DIAPH3: variants seen among roughly 807,000 people sequenced by gnomAD.
DIAPH3 encodes the protein diaphanous related formin 3.
In DIAPH3, 117 loss-of-function variants were observed where a neutral mutation model predicts 144.3. The observed-to-expected ratio is 0.81, with a 90% CI of 0.70 to 0.95. DIAPH3 has a LOEUF of 0.95. DIAPH3 is among the 40% of genes least tolerant of loss of function. The pLI, the probability that DIAPH3 is intolerant of heterozygous loss-of-function variation, is 0.00. For missense variants in DIAPH3, 1,421 were observed against 1,412.7 expected, an observed-to-expected ratio of 1.01 and a Z score of -0.09; for synonymous variants, 519 against 488.9, an observed-to-expected ratio of 1.06 and a Z score of -0.81.
chr13:59,937,162 CAA>C (rs57086874), intron 17 of DIAPH3, among the ~76,000 whole-genome samples: 13 of 128,520 alleles, frequency 1.0e-4, no homozygotes, highest in African/African-American at 2.9e-4. Context: ...GACTCCATCT[CAA>C]AAAAAAAAAA....
At chr13:59,803,250 G>C (rs1381286093) in intron 25 of DIAPH3, among the ~76,000 whole-genome samples, 2 of 152,076 alleles carry the variant, frequency 1.3e-5, no homozygotes, top group Non-Finnish European at 2.9e-5. Context: ...AATATGAACA[G>C]GGTGAAATTA....
intron 27 of DIAPH3, among the ~76,000 whole-genome samples, chr13:59,720,941 T>A (rs1280092287): frequency 6.6e-6 from 1 of 152,200 alleles, no homozygotes; most frequent in African/African-American, 2.4e-5. Flanking sequence ...GGGTGGAGGC[T>A]GCTGTTAAAG....
Position 59,741,772 on chromosome 13 carries a change from C to T in DIAPH3, c.3319+32417G>A, listed in dbSNP as rs1566247439. Reference sequence around the variant, plus strand: ...AAAATACAACTTTTAATGAGATATTCCACTCTATAATTCTAAACAACTGTA... The same window carrying T: ...AAAATACAACTTTTAATGAGATATTTCACTCTATAATTCTAAACAACTGTA... On this transcript the variant is annotated intron_variant, in intron 27 of 27. Transcript: ENST00000400324. Among the ~76,000 whole-genome samples, 3 of 142,086 alleles carry T rather than the reference C, an allele frequency of 2.1e-5. No individual in the cohort carries two copies. The South Asian group carries it at 7.0e-4, about 33-fold the overall frequency. The allele number at this position is 142,086 out of a possible 152,430, so 93.2% of individuals were successfully genotyped here. A position where few individuals can be genotyped will look rare whatever the true frequency, so the allele number is the denominator to read the frequency against.
At chr13:60,048,635 C>T (rs1288756944) in intron 4 of DIAPH3, among the ~76,000 whole-genome samples, 1 of 137,124 alleles carries the variant, frequency 7.3e-6, no homozygotes, top group Non-Finnish European at 1.6e-5. Flanking sequence ...GTTAAATATA[C>T]ATTGCCCATA....
intron 3 of DIAPH3, among the ~76,000 whole-genome samples, chr13:60,107,008 T>C (rs1031081603): frequency 6.6e-6 from 1 of 152,138 alleles, no homozygotes; most frequent in Non-Finnish European, 1.5e-5. Flanking sequence ...CATATGATTC[T>C]GAACTAGATT....
intron 1 of DIAPH3, chr13:60,144,909 G>A (rs1364991301): frequency 4.6e-5 from 7 of 152,310 alleles, no homozygotes; most frequent in Non-Finnish European, 7.3e-5. Context: ...CAGGATTACA[G>A]TAGATATTGT....
At chr13:59,744,963 C>T (rs967823871) in intron 27 of DIAPH3, among the ~76,000 whole-genome samples, 1 of 152,150 alleles carries the variant, frequency 6.6e-6, no homozygotes, top group African/African-American at 2.4e-5. Context: ...CCTGGCCTCA[C>T]CCCTTATAGG....
intron 20 of DIAPH3, among the ~76,000 whole-genome samples, chr13:59,899,047 C>T (rs927312688): frequency 6.6e-6 from 1 of 152,146 alleles, no homozygotes; most frequent in African/African-American, 2.4e-5. Context: ...TTCCTGCCCT[C>T]GAACATCAGA....
chr13:59,706,979 C>A (rs1455469871), intron 27 of DIAPH3, among the ~76,000 whole-genome samples: 1 of 152,118 alleles, frequency 6.6e-6, no homozygotes, highest in Non-Finnish European at 1.5e-5. Flanking sequence ...AGAATTGACA[C>A]ATGCATATAA....
chr13:60,008,599 AT>A lies in DIAPH3; in HGVS notation c.958del (p.Ile320LeufsTer20), dbSNP rs755069320. ...ALTSAGEEKK[I>X]DRFFCIVEGL... is the part of the protein sequence containing the mutation. ...TTCCACAATACAAAAAAATCTGTCA[AT>A]TTTTTTTTCTTCACCAGCTGAAGTT... On this transcript the variant is annotated frameshift_variant, in exon 9 of 28. Coordinates refer to ENST00000400324, the MANE Select transcript of DIAPH3 (RefSeq NM_001042517.2). LOFTEE classifies it high-confidence loss of function. 10 of 1,604,632 alleles carry A rather than the reference AT, an allele frequency of 6.2e-6. No homozygotes were observed. Among genetic ancestry groups the A allele is most frequent in the East Asian group, 2.2e-5 (1 of 44,584 alleles).
chr13:59,969,088 T>G (rs2050211662), intron 17 of DIAPH3, among the ~76,000 whole-genome samples: 1 of 152,178 alleles, frequency 6.6e-6, no homozygotes, highest in Non-Finnish European at 1.5e-5. Flanking sequence ...TTTTATATAA[T>G]ACTTAAAAAT....
intron 4 of DIAPH3, among the ~76,000 whole-genome samples, chr13:60,060,212 C>T (rs1169109272): frequency 6.6e-6 from 1 of 151,914 alleles, no homozygotes; most frequent in African/African-American, 2.4e-5. Context: ...CTAGATTATT[C>T]TTCATATTAA....
chr13:60,070,548 A>G (rs900376399), intron 4 of DIAPH3, among the ~76,000 whole-genome samples: 1 of 152,186 alleles, frequency 6.6e-6, no homozygotes, highest in African/African-American at 2.4e-5. Flanking sequence ...ACATCCAGAA[A>G]GAGGCCAAGG....
intron 1 of DIAPH3, among the ~76,000 whole-genome samples, chr13:60,144,140 G>A (rs1443725937): frequency 6.6e-6 from 1 of 152,092 alleles, no homozygotes; most frequent in Non-Finnish European, 1.5e-5. Flanking sequence ...CCATGGTGCA[G>A]GGAACATTTT....
At chr13:59,943,993 C>T (rs549334191) in intron 17 of DIAPH3, among the ~76,000 whole-genome samples, 3 of 152,110 alleles carry the variant, frequency 2.0e-5, no homozygotes, top group Non-Finnish European at 4.4e-5. Flanking sequence ...GGAAGGATCA[C>T]TTGAGGCCAG....
intron 25 of DIAPH3, among the ~76,000 whole-genome samples, chr13:59,801,466 T>C (rs1240715100): frequency 6.6e-6 from 1 of 152,210 alleles, no homozygotes; most frequent in Non-Finnish European, 1.5e-5. Context: ...CCTGCCTGAA[T>C]AGCACTAATA....
chr13:60,065,253 T>TAAAA (rs11344639), intron 4 of DIAPH3, among the ~76,000 whole-genome samples: 131 of 88,232 alleles, frequency 1.5e-3, no homozygotes, highest in African/African-American at 4.1e-3. Flanking sequence ...TTTAATTTAT[T>TAAAA]AAAAAAAAAA....
intron 18 of DIAPH3, among the ~76,000 whole-genome samples, chr13:59,924,081 C>A (rs1035628814): frequency 6.6e-6 from 1 of 152,172 alleles, no homozygotes; most frequent in Non-Finnish European, 1.5e-5. Flanking sequence ...ATCCCTCTTG[C>A]ACCATCAGAA....
chr13:59,880,590 C>T (rs532194654), intron 20 of DIAPH3, among the ~76,000 whole-genome samples: 5 of 152,136 alleles, frequency 3.3e-5, no homozygotes, highest in African/African-American at 1.2e-4. Context: ...ATGACCGTTA[C>T]TTAAAATATA....
Sources: allele counts gnomAD v4.1 joint callset (sites outside exome capture counted in the v4.1 genomes callset), GRCh38; gene constraint gnomAD v4.1.1; transcripts MANE v1.5; gene names NCBI Gene and HGNC (gene_info 2026-07-23, HGNC 2026-07-21).